Variants in GRB14 observed in about 807,000 individuals in gnomAD.
GRB14 encodes growth factor receptor bound protein 14.
Under a neutral mutation model 69.1 loss-of-function variants are expected in GRB14, and 38 were observed. The observed-to-expected ratio is 0.55, with a 90% CI of 0.42 to 0.72. The LOEUF (loss-of-function observed/expected upper bound fraction) is 0.72, where lower values mean the gene tolerates loss of function less well. GRB14 is among the 30% of genes least tolerant of loss of function. The probability of loss-of-function intolerance (pLI) is 0.00; values close to 1 mark genes in which losing one functional copy is unlikely to be tolerated. For synonymous variants in GRB14, 247 were observed against 241.3 expected (o/e 1.02, Z -0.22); for missense variants, 666 against 666.1 (o/e 1.00, Z 0.00).
chr2:164,568,735 T>C (rs531692934), intron 2 of GRB14, among the ~76,000 whole-genome samples: 1 of 152,348 alleles, frequency 6.6e-6, no homozygotes, highest in African/African-American at 2.4e-5. Flanking sequence ...CAGTTATGTC[T>C]TTACTAAAGC....
At chr2:164,544,018 A>G (rs1252025312) in intron 3 of GRB14, among the ~76,000 whole-genome samples, 1 of 152,184 alleles carries the variant, frequency 6.6e-6, no homozygotes, top group East Asian at 1.9e-4. Flanking sequence ...ATATAATCTG[A>G]GTGAAAAACC....
intron 2 of GRB14, among the ~76,000 whole-genome samples, chr2:164,586,271 T>G (rs1007886459): frequency 6.6e-6 from 1 of 152,174 alleles, no homozygotes; most frequent in African/African-American, 2.4e-5. Flanking sequence ...TGGGATATGA[T>G]AGTAGAAAGT....
chr2:164,556,851 T>C (rs779096682), intron 2 of GRB14, among the ~76,000 whole-genome samples: 5 of 152,114 alleles, frequency 3.3e-5, no homozygotes, highest in East Asian at 1.9e-4. Context: ...GTGAGCAAAA[T>C]GTGGGGCACA....
At chr2:164,512,739 A>G (rs1687372601) in intron 6 of GRB14, among the ~76,000 whole-genome samples, 1 of 152,200 alleles carries the variant, frequency 6.6e-6, no homozygotes, top group Non-Finnish European at 1.5e-5. Context: ...GGAAAGAAGG[A>G]AGCTATACAA....
At chr2:164,598,644 C>T (rs977530585) in intron 2 of GRB14, among the ~76,000 whole-genome samples, 7 of 152,066 alleles carry the variant, frequency 4.6e-5, no homozygotes, top group Admixed American at 2.6e-4. Context: ...TATTGGTCTT[C>T]GCTTACTAGT....
At chr2:164,584,061 C>T (rs573819482) in intron 2 of GRB14, among the ~76,000 whole-genome samples, 2 of 150,590 alleles carry the variant, frequency 1.3e-5, no homozygotes, top group Admixed American at 1.3e-4. Flanking sequence ...TCTCAGCTCA[C>T]TGCAACTTCT....
At chr2:164,568,303 G>C (rs1335639663) in intron 2 of GRB14, 1 of 1,281,214 alleles carries the variant, frequency 7.8e-7, no homozygotes, top group Non-Finnish European at 1.0e-6. Context: ...AAAGGATAAA[G>C]AAGTCACATA....
At chr2:164,530,186 C>G (rs1008333007) in intron 3 of GRB14, among the ~76,000 whole-genome samples, 7 of 152,062 alleles carry the variant, frequency 4.6e-5, no homozygotes, top group Non-Finnish European at 8.8e-5. Context: ...CTGGTGAGGT[C>G]TCAGGAAGCT....
intron 6 of GRB14, among the ~76,000 whole-genome samples, chr2:164,510,576 C>T (rs1687314026): frequency 6.6e-6 from 1 of 152,154 alleles, no homozygotes; most frequent in African/African-American, 2.4e-5. Context: ...CCATATGTGA[C>T]ATTAGGAGGG....
At chr2:164,555,690 GAC>G (rs1396521718) in intron 2 of GRB14, among the ~76,000 whole-genome samples, 1 of 149,792 alleles carries the variant, frequency 6.7e-6, no homozygotes, top group African/African-American at 2.4e-5. Flanking sequence ...AGCATGATGA[GAC>G]ATATATAATT....
intron 2 of GRB14, among the ~76,000 whole-genome samples, chr2:164,576,369 G>A (rs1371401260): frequency 6.6e-6 from 1 of 151,358 alleles, no homozygotes; most frequent in Non-Finnish European, 1.5e-5. Flanking sequence ...TAACTTTAAG[G>A]TGAAATCAGA....
At chr2:164,559,373 G>A (rs1688763151) in intron 2 of GRB14, among the ~76,000 whole-genome samples, 1 of 152,050 alleles carries the variant, frequency 6.6e-6, no homozygotes, top group Non-Finnish European at 1.5e-5. Flanking sequence ...GGTGATTTGT[G>A]AGATTTTGGT....
intron 6 of GRB14, among the ~76,000 whole-genome samples, chr2:164,518,380 G>C (rs528364075): frequency 6.6e-6 from 1 of 152,254 alleles, no homozygotes; most frequent in African/African-American, 2.4e-5. Flanking sequence ...GTGCTAAGAG[G>C]AAAGTTCATA....
At chr2:164,543,822 CA>C (rs1688297627) in intron 3 of GRB14, among the ~76,000 whole-genome samples, 1 of 152,038 alleles carries the variant, frequency 6.6e-6, no homozygotes, top group South Asian at 2.1e-4. Flanking sequence ...ATAAACTAAG[CA>C]AAAAGGCAAA....
At chr2:164,559,452 C>T (rs942118510) in intron 2 of GRB14, among the ~76,000 whole-genome samples, 1 of 152,058 alleles carries the variant, frequency 6.6e-6, no homozygotes, top group Non-Finnish European at 1.5e-5. Context: ...CTCCCTCTTT[C>T]CCCCCAAGTC....
intron 3 of GRB14, among the ~76,000 whole-genome samples, chr2:164,546,052 A>G (rs181507884): frequency 1.6e-4 from 24 of 152,338 alleles, no homozygotes; most frequent in Admixed American, 1.6e-3. Flanking sequence ...CTGTGCTACA[A>G]TTGACTCAAA....
chr2:164,565,555 T>C (rs1688950191), intron 2 of GRB14, among the ~76,000 whole-genome samples: 1 of 152,152 alleles, frequency 6.6e-6, no homozygotes, highest in Non-Finnish European at 1.5e-5. Flanking sequence ...CTGGGTGACC[T>C]TGCATAAGTC....
At position 164,497,039 on chromosome 2, in the gene GRB14, G is replaced by A. The variant is rs1457587748; in HGVS notation, c.1351C>T (p.Arg451Ter). 2 of 1,613,716 alleles carry A rather than the reference G, an allele frequency of 1.2e-6. No individual in the cohort carries two copies. The highest frequency in any genetic ancestry group is 1.1e-5 in the South Asian group (1 of 91,062). Residue 451 changes from arginine to a stop codon, truncating the protein, a stop_gained, in exon 12 of 14, where the codon CGA becomes TGA. Transcript: ENST00000263915. LOFTEE classifies it high-confidence loss of function. ...HHKISRDEAQ[R>*]LIIQQGLVDG... ...ACAAGTCCTTGCTGAATAATCAATC[G>A]CTGAGCCTCATCTCTAGAAATTTTG...
intron 5 of GRB14, 53 bp downstream of exon 5, chr2:164,524,951 A>C (rs572560786): frequency 1.0e-6 from 1 of 982,584 alleles, no homozygotes; most frequent in South Asian, 1.6e-5. Context: ...AGGACTTAAA[A>C]GTTTTCCTTC....
Sources: allele counts gnomAD v4.1 joint callset (sites outside exome capture counted in the v4.1 genomes callset), GRCh38; gene constraint gnomAD v4.1.1; transcripts MANE v1.5; gene names NCBI Gene and HGNC (gene_info 2026-07-23, HGNC 2026-07-21).